Variants in ASIC2 observed in about 807,000 individuals in gnomAD.
The protein encoded by ASIC2 is acid sensing ion channel subunit 2, also known as acid-sensing ion channel 2.
A neutral mutation model predicts 57.3 loss-of-function variants in ASIC2; 25 were observed. The ratio of observed to expected loss-of-function variants is 0.44; its 90% CI spans 0.32 to 0.61. The LOEUF (loss-of-function observed/expected upper bound fraction) is 0.61. ASIC2 is among the 20% of genes least tolerant of loss of function. The probability of loss-of-function intolerance (pLI) is 0.06; values close to 1 mark genes in which losing one functional copy is unlikely to be tolerated. For synonymous variants in ASIC2, 319 were observed against 307.5 expected (o/e 1.04, Z -0.39); for missense variants, 641 against 738.1 (o/e 0.87, Z 1.52).
chr17:33,300,438 C>G (rs1344815399), intron 1 of ASIC2, among the ~76,000 whole-genome samples: 1 of 152,106 alleles, frequency 6.6e-6, no homozygotes, highest in East Asian at 1.9e-4. Context: ...GACAGCAGGT[C>G]CTATGACAAG....
chr17:33,050,152 C>T (rs371535440), intron 3 of ASIC2, among the ~76,000 whole-genome samples: 1 of 152,190 alleles, frequency 6.6e-6, no homozygotes, highest in East Asian at 1.9e-4. Flanking sequence ...GCTGAGCCTT[C>T]TGCTGAGGTT....
intron 1 of ASIC2, among the ~76,000 whole-genome samples, chr17:33,521,599 G>A (rs1255451998): frequency 6.6e-6 from 1 of 152,210 alleles, no homozygotes; most frequent in Non-Finnish European, 1.5e-5. Flanking sequence ...GTCTGGCAGA[G>A]ATGGGCAAGG....
intron 1 of ASIC2, among the ~76,000 whole-genome samples, chr17:33,303,219 GT>G (rs1264204000): frequency 6.6e-6 from 1 of 152,234 alleles, no homozygotes; most frequent in Non-Finnish European, 1.5e-5. Flanking sequence ...AAAAGACAAA[GT>G]GGGTGGTGGC....
intron 1 of ASIC2, among the ~76,000 whole-genome samples, chr17:33,603,252 G>A (rs1351118195): frequency 4.6e-5 from 7 of 152,352 alleles, no homozygotes; most frequent in Non-Finnish European, 2.9e-5. Flanking sequence ...GGTGGGAGTG[G>A]TGGGGGTGTT....
At position 33,767,949 on chromosome 17, in the gene ASIC2, A is replaced by G. The variant is rs116270634; in HGVS notation, c.555+388029T>C. The stretch of plus-strand genomic sequence containing the variant: ...TAACATCTACATAAATTCTAATAGA[A>G]AATCTAAACTATGTGGGAACATAGC... On this transcript the variant is annotated intron_variant, in intron 1 of 9. Coordinates refer to the ASIC2 transcript ENST00000359872. 9.3e-3 allele frequency among the ~76,000 whole-genome samples: 1,410 copies of G among 152,348 alleles called. 18 individuals carry two copies. The highest frequency in any genetic ancestry group is 0.032 in the African/African-American group (1,344 of 41,584).
chr17:33,330,914 A>C (rs1022419887), intron 1 of ASIC2, among the ~76,000 whole-genome samples: 5 of 152,142 alleles, frequency 3.3e-5, no homozygotes, highest in African/African-American at 1.2e-4. Context: ...ATTAAGATCC[A>C]GGTATTGTGC....
At chr17:33,650,448 C>T (rs567863063) in intron 1 of ASIC2, among the ~76,000 whole-genome samples, 14 of 152,284 alleles carry the variant, frequency 9.2e-5, no homozygotes, top group African/African-American at 3.4e-4. Flanking sequence ...CACACGACTA[C>T]CATATGACCC....
intron 1 of ASIC2, among the ~76,000 whole-genome samples, chr17:33,409,944 A>G (rs1424176242): frequency 2.0e-5 from 3 of 152,122 alleles, no homozygotes; most frequent in Admixed American, 6.5e-5. Flanking sequence ...GCCAACATAC[A>G]CCAGTACAAA....
chr17:33,598,638 T>C (rs1905045033), intron 1 of ASIC2, among the ~76,000 whole-genome samples: 1 of 152,186 alleles, frequency 6.6e-6, no homozygotes, highest in African/African-American at 2.4e-5. Context: ...ATGTCAGTCA[T>C]CTGGTTCCTC....
chr17:34,008,309 G>A (rs1174766598), intron 1 of ASIC2, among the ~76,000 whole-genome samples: 4 of 152,138 alleles, frequency 2.6e-5, no homozygotes, highest in South Asian at 2.1e-4. Flanking sequence ...AGTAAGCCAA[G>A]CCATGAATCA....
chr17:33,790,466 A>G (rs1379505538), intron 1 of ASIC2, among the ~76,000 whole-genome samples: 1 of 152,204 alleles, frequency 6.6e-6, no homozygotes, highest in Non-Finnish European at 1.5e-5. Context: ...TTATTTTTCT[A>G]GATATTGTGT....
At chr17:34,069,321 T>A (rs866912077) in intron 1 of ASIC2, 1 of 91,472 alleles carries the variant, frequency 1.1e-5, no homozygotes, top group Non-Finnish European at 2.9e-5. Context: ...TTTCTTCCTT[T>A]CCTCTCTTTC....
intron 2 of ASIC2, among the ~76,000 whole-genome samples, chr17:33,096,009 C>T (rs1481382365): frequency 6.6e-6 from 1 of 152,176 alleles, no homozygotes; most frequent in Non-Finnish European, 1.5e-5. Context: ...CACTGTCAAG[C>T]ACCTGCTGTG....
intron 1 of ASIC2, among the ~76,000 whole-genome samples, chr17:33,838,339 G>C (rs1171465466): frequency 6.6e-6 from 1 of 152,154 alleles, no homozygotes; most frequent in Non-Finnish European, 1.5e-5. Flanking sequence ...GTGTTCGAGA[G>C]TATTGGTCCT....
At chr17:34,138,780 G>A (rs1053914349) in intron 1 of ASIC2, among the ~76,000 whole-genome samples, 5 of 152,154 alleles carry the variant, frequency 3.3e-5, no homozygotes, top group Middle Eastern at 3.2e-3. Flanking sequence ...TTCACCCACA[G>A]TCATTCTTTC....
At chr17:33,885,896 A>T (rs972712004) in intron 1 of ASIC2, among the ~76,000 whole-genome samples, 1 of 152,098 alleles carries the variant, frequency 6.6e-6, no homozygotes, top group African/African-American at 2.4e-5. Flanking sequence ...ATCCTTGGGA[A>T]TTTTCATTTC....
chr17:33,036,048 G>T (rs1392054920), intron 3 of ASIC2, among the ~76,000 whole-genome samples: 3 of 152,156 alleles, frequency 2.0e-5, no homozygotes, highest in Non-Finnish European at 4.4e-5. Context: ...CCTGGTTTTG[G>T]TCTCTCTCCG....
chr17:33,283,632 G>A (rs1401411110), intron 1 of ASIC2, among the ~76,000 whole-genome samples: 1 of 152,160 alleles, frequency 6.6e-6, no homozygotes, highest in Non-Finnish European at 1.5e-5. Context: ...CAGAGGTGCT[G>A]GAGGAAGCAA....
intron 1 of ASIC2, among the ~76,000 whole-genome samples, chr17:34,052,710 G>A (rs980016346): frequency 4.6e-5 from 7 of 151,440 alleles, no homozygotes; most frequent in Non-Finnish European, 7.4e-5. Context: ...TCTGCCTCCC[G>A]GGTTCAAGCG....
Sources: gnomAD v4.1 joint callset for allele counts (sites outside exome capture counted in the v4.1 genomes callset) on GRCh38, gnomAD v4.1.1 for gene constraint, MANE v1.5 for transcripts, NCBI Gene and HGNC (gene_info 2026-07-23, HGNC 2026-07-21) for gene names.